Variants in MUC4 observed in about 807,000 individuals in gnomAD.
MUC4 encodes the protein mucin 4, cell surface associated, also known as mucin-4.
In MUC4, 202 loss-of-function variants were observed where a neutral mutation model predicts 257.9. The observed-to-expected ratio is 0.78, with a 90% CI of 0.70 to 0.88. The LOEUF is 0.88. Among genes scored for constraint, MUC4 ranks in the 40% least tolerant of loss-of-function variants. MUC4 has a pLI of 0.00. For missense variants in MUC4, 5,976 were observed against 6,513.7 expected, an observed-to-expected ratio of 0.92 and a Z score of 2.84; for synonymous variants, 2,351 against 2,757.1, an observed-to-expected ratio of 0.85 and a Z score of 4.62.
At chr3:195,792,403 G>C (rs893023992) in intron 1 of MUC4, among the ~76,000 whole-genome samples, 4 of 152,214 alleles carry the variant, frequency 2.6e-5, no homozygotes, top group African/African-American at 9.6e-5. Flanking sequence ...TGGATCATTA[G>C]AGAAATGCAA....
rs3107749 is a variant in MUC4 at position 195,785,122 on chromosome 3, A to G, written c.6458T>C (p.Val2153Ala). 0.1 allele frequency: 40,214 copies of G among 388,748 alleles called. 6,821 individuals are homozygous for G. Among genetic ancestry groups the G allele is most frequent in the East Asian group, 0.5 (4,553 of 9,196 alleles). 24.1% of individuals were successfully genotyped at this position (388,748 alleles called of 1,614,324 possible). A position where few individuals can be genotyped will look rare whatever the true frequency, so the allele number is the denominator to read the frequency against. ...TPLPVTETSS[V>A]STGHATSLPV... ...AAGAGAGGTGGCGTGACCTGTGGAT[A>G]CTGAGGAAGTTTCGGTGACAGGAAG... Residue 2153 changes from valine to alanine, a missense_variant, in exon 2 of 25, where the codon GTA (valine) becomes GCA (alanine). Physicochemically the swap from Val to Ala is moderately conservative, Grantham distance 64. Around this residue, in one of 44 missense-constraint regions of MUC4, gnomAD observed 85 missense variants for 325.0 expected, o/e 0.26. Coordinates refer to ENST00000463781, the MANE Select transcript of MUC4 (RefSeq NM_018406.7).
At position 195,781,118 on chromosome 3, in the gene MUC4, G is replaced by T. The variant is rs536206297; in HGVS notation, c.10462C>A (p.Pro3488Thr). ...GAGGAAGGGATGGTGACATGAAGAG[G>T]GGTGGTGTGACCTGTAGATGCTGAG... The part of the protein sequence containing the change: ...PSSASTGHTT[P>T]LHVTIPSSAS... The change falls in exon 2 of 25, where the codon CCT becomes ACT. Residue 3488 changes from proline (P) to threonine (T), a missense_variant. Coordinates refer to ENST00000463781, the MANE Select transcript of MUC4 (RefSeq NM_018406.7). 4.7e-5 allele frequency: 70 copies of T among 1,478,624 alleles called. 1 individual carries two copies. In the African/African-American group the frequency reaches 7.6e-4, roughly 16 times the overall value. The allele number at this position is 1,478,624 out of a possible 1,614,324, so 91.6% of individuals were successfully genotyped here.
chr3:195,788,874 G>A lies in MUC4; in HGVS notation c.2706C>T (p.Ala902=), dbSNP rs367552105. The change falls in exon 2 of 25, where the codon GCC becomes GCT. Residue 902 remains alanine, a synonymous_variant. Coordinates refer to ENST00000463781, the MANE Select transcript of MUC4 (RefSeq NM_018406.7). ...GAGTCTGGGCCATCCGGGAAATGGC[G>A]GCTGTCTCCTGAGGAGAGGCACTGG... ...TSPSASPQET[A]AISRMAQTQR... The A allele has an allele frequency of 1.3e-4, 209 of 1,613,704 alleles. No individual in the cohort carries two copies. The highest frequency in any genetic ancestry group is 3.9e-4 in the African/African-American group (29 of 74,876).
At chr3:195,778,661 C>T in intron 2 of MUC4, 129 bp downstream of exon 2, 3 of 1,287,672 alleles carry the variant, frequency 2.3e-6, no homozygotes, top group Non-Finnish European at 3.2e-6. Context: ...CCCATCACCT[C>T]CTCCCCTGTG....
At chr3:195,770,439 T>C in intron 5 of MUC4, 68 bp from the exon 6 acceptor site, 1 of 1,585,982 alleles carries the variant, frequency 6.3e-7, no homozygotes, top group Non-Finnish European at 8.6e-7. Context: ...CCCCCCACTT[T>C]CTGCCTGAGG....
chr3:195,761,005 C>A lies in MUC4; in HGVS notation c.14727G>T (p.Leu4909Phe). 1.2e-6 allele frequency: 2 copies of A among 1,614,118 alleles called. No homozygotes were observed. The highest frequency in any genetic ancestry group is 1.7e-6 in the Non-Finnish European group (2 of 1,180,010). The change falls in exon 16 of 25, where the codon TTG (leucine) becomes TTT (phenylalanine). Residue 4909 changes from leucine (L) to phenylalanine (F), a missense_variant. Around this residue, in one of 44 missense-constraint regions of MUC4, gnomAD observed 996 missense variants for 1,137.3 expected, o/e 0.88. Coordinates refer to ENST00000463781, the MANE Select transcript of MUC4 (RefSeq NM_018406.7). ...AGCTATCTCCGTCACAGTTGGAGAT[C>A]AAATGTTCAGCCCAGGAGCTGTTTT... ...LQKNSSWAEH[L>F]ISNCDGDSSC...
At chr3:195,804,756 C>T (rs1156397391) in intron 1 of MUC4, among the ~76,000 whole-genome samples, 3 of 152,262 alleles carry the variant, frequency 2.0e-5, no homozygotes, top group Admixed American at 6.5e-5. Flanking sequence ...CCGGAAGGCG[C>T]GCAGACGCTG....
chr3:195,786,894 G>A lies in MUC4; in HGVS notation c.4686C>T (p.Ser1562=), dbSNP rs373276344. ...PLPVTDASSV[S]TGHTTPLPVT... The stretch of plus-strand genomic sequence containing the variant: ...CAGGAAGAGGGGTGGTGTGACCTGT[G>A]GATACTGAGGAAGCGTCGGTGACAG... The change falls in exon 2 of 25, where the codon TCC becomes TCT. Residue 1562 remains serine (S), a synonymous_variant. Coordinates refer to ENST00000463781, the MANE Select transcript of MUC4 (RefSeq NM_018406.7). The A allele has an allele frequency of 7.0e-5, 107 of 1,518,776 alleles. 1 individual carries two copies. Among genetic ancestry groups the A allele is most frequent in the South Asian group, 5.1e-4 (42 of 81,864 alleles). The allele number at this position is 1,518,776 out of a possible 1,614,324, so 94.1% of individuals were successfully genotyped here.
At chr3:195,749,108 C>T in intron 23 of MUC4, 44 bp from the exon 24 acceptor site, 1 of 1,596,864 alleles carries the variant, frequency 6.3e-7, no homozygotes, top group East Asian at 2.3e-5. Context: ...AACCGATGAA[C>T]ACTAAATCAG....
chr3:195,769,391 G>A (rs1391248351), intron 6 of MUC4: 2 of 525,384 alleles, frequency 3.8e-6, no homozygotes, highest in Non-Finnish European at 6.7e-6. Context: ...CTTTCTTCCA[G>A]GAGGGGAGAT....
intron 4 of MUC4, among the ~76,000 whole-genome samples, chr3:195,773,854 G>C (rs1723740617): frequency 6.6e-6 from 1 of 152,246 alleles, no homozygotes; most frequent in Admixed American, 6.5e-5. Context: ...CTCCAACTCT[G>C]CTCCAGGAGG....
In MUC4 at chr3:195,782,277, G is replaced by A. The variant is rs1298250846; in HGVS notation, c.9303C>T (p.Asp3101=). 6.5e-7 allele frequency: 1 copy of A among 1,538,302 alleles called. No individual in the cohort carries two copies. Among genetic ancestry groups the A allele is most frequent in the Non-Finnish European group, 8.8e-7 (1 of 1,141,430 alleles). The part of the protein sequence containing the change: ...VTSLSSVSTG[D]TTPLPVTSPS... ...GGCTAGTGACAGGAAGAGGCGTGGT[G>A]TCACCTGTGGATACTGAGGAAAGGC... The change falls in exon 2 of 25, where the codon GAC becomes GAT. Residue 3101 remains aspartate (D), a synonymous_variant. Coordinates refer to ENST00000463781, the MANE Select transcript of MUC4 (RefSeq NM_018406.7).
Position 195,779,500 on chromosome 3 carries a change from G to A in MUC4, c.12080C>T (p.Thr4027Ile), listed in dbSNP as rs549064418. The A allele has an allele frequency of 7.8e-7, 1 of 1,284,958 alleles. No individual in the cohort carries two copies. 79.6% of individuals were successfully genotyped at this position (1,284,958 alleles called of 1,614,324 possible). ...LPVTSPSSAS[T>I]GHATPVPVTS... The stretch of plus-strand genomic sequence containing the variant: ...GACAGGAACAGGGGTGGCGTGACCT[G>A]TGGATGCTGAGGAAGGGCTGGTGAC... Residue 4027 changes from threonine (T) to isoleucine (I), a missense_variant, in exon 2 of 25, where the codon ACA becomes ATA. Thr to Ile is a moderately conservative substitution (Grantham distance 89, BLOSUM62 -1). This residue lies in a region of MUC4 where 293 missense variants were observed against 294.5 expected (regional missense o/e 1.00). Transcript: ENST00000463781.
intron 20 of MUC4, among the ~76,000 whole-genome samples, chr3:195,752,848 C>A (rs1426384464): frequency 6.6e-6 from 1 of 152,224 alleles, no homozygotes; most frequent in African/African-American, 2.4e-5. Context: ...CTCCATAGGC[C>A]ACACAGGCCC....
intron 1 of MUC4, among the ~76,000 whole-genome samples, chr3:195,794,302 T>C (rs1734270637): frequency 6.6e-6 from 1 of 151,588 alleles, no homozygotes; most frequent in Non-Finnish European, 1.5e-5. Flanking sequence ...AGAAACTGAC[T>C]CTTTTGGGTT....
At chr3:195,797,088 C>G (rs1027579278) in intron 1 of MUC4, among the ~76,000 whole-genome samples, 1 of 151,888 alleles carries the variant, frequency 6.6e-6, no homozygotes, top group East Asian at 1.9e-4. Context: ...GGTAAAAATA[C>G]AAAAAATTTG....
In MUC4 at chr3:195,783,145, C is replaced by G. The variant is rs772303523; in HGVS notation, c.8435G>C (p.Gly2812Ala). Reference protein sequence around the residue: ...PVTDASSVSTGHATSLPVTDA... With the variant: ...PVTDASSVSTAHATSLPVTDA... ...GGTGACAGGAAGAGAGGTGGCGTGA[C>G]CTGTGGACACTGACGAAGCGTCGGT... Residue 2812 changes from glycine (G) to alanine (A), a missense_variant, in exon 2 of 25, where the codon GGT becomes GCT. This residue lies in a region of MUC4 where 228 missense variants were observed against 206.3 expected (regional missense o/e 1.11). Coordinates refer to ENST00000463781, the MANE Select transcript of MUC4 (RefSeq NM_018406.7). 2 of 1,354,558 alleles carry G rather than the reference C, an allele frequency of 1.5e-6. No homozygotes were observed. Among genetic ancestry groups the G allele is most frequent in the Non-Finnish European group, 9.9e-7 (1 of 1,007,828 alleles). 83.9% of individuals were successfully genotyped at this position (1,354,558 alleles called of 1,614,324 possible).
intron 10 of MUC4, 96 bp from the exon 11 acceptor site, chr3:195,764,260 TGTTGGTGG>T: frequency 9.6e-7 from 1 of 1,039,234 alleles, no homozygotes; most frequent in East Asian, 8.8e-5. Context: ...GGCAGGGCGG[TGTTGGTGG>T]AGAGCTTGGC....
Position 195,778,798 on chromosome 3 carries a change from T to C in MUC4, c.12782A>G (p.Glu4261Gly), listed in dbSNP as rs1437350809. The change falls in exon 2 of 25, where the codon GAA becomes GGA. Residue 4261 changes from glutamate to glycine, a missense_variant. Physicochemically the swap from Glu to Gly is moderately conservative, Grantham distance 98. Transcript: ENST00000463781. Reference protein sequence around the residue: ...TVSSDSPLKMETPGMTTPSLK... With the variant: ...TVSSDSPLKMGTPGMTTPSLK... ...AGGCAGTTGGCAGCTACCTGGTGTT[T>C]CCATCTTCAGAGGGGAGTCCGAGGA... 2 of 1,610,132 alleles carry C rather than the reference T, an allele frequency of 1.2e-6. No individual in the cohort carries two copies. Among genetic ancestry groups the C allele is most frequent in the East Asian group, 2.2e-5 (1 of 44,838 alleles).
Sources: allele counts gnomAD v4.1 joint callset (sites outside exome capture counted in the v4.1 genomes callset), GRCh38; gene constraint gnomAD v4.1.1; regional missense constraint gnomAD v4.1.1; transcripts MANE v1.5; gene names NCBI Gene and HGNC (gene_info 2026-07-23, HGNC 2026-07-21).